The following SNX2 variants were observed in gnomAD, a reference collection of about 807,000 sequenced individuals.
The protein encoded by SNX2 is sorting nexin 2, also known as sorting nexin-2.
SNX2 carries 25 observed loss-of-function variants against 69.9 expected under a neutral mutation model. The observed-to-expected ratio is 0.36, with a 90% CI of 0.26 to 0.50. The LOEUF is 0.50. Among genes scored for constraint, SNX2 ranks in the 20% least tolerant of loss-of-function variants. SNX2 has a pLI of 0.97. For missense variants in SNX2, 551 were observed against 613.3 expected (o/e 0.90, Z 1.07); for synonymous variants, 229 against 200.4 (o/e 1.14, Z -1.20).
chr5:122,827,520 G>C (rs1178042820), intron 13 of SNX2, 55 bp from the exon 14 acceptor site: 1 of 1,601,868 alleles, frequency 6.2e-7, no homozygotes, highest in East Asian at 2.2e-5. Flanking sequence ...GCAATTTTGT[G>C]GTAAAGTTGA....
In SNX2 at chr5:122,817,357, G is replaced by A; in HGVS notation, c.990G>A (p.Leu330=). 1 of 1,613,496 alleles carries A rather than the reference G, an allele frequency of 6.2e-7. No individual in the cohort carries two copies. Among genetic ancestry groups the A allele is most frequent in the Non-Finnish European group, 8.5e-7 (1 of 1,179,632 alleles). The part of the protein sequence containing the change: ...LRKLHVSVEA[L]VCHRKELSAN... ...AACTTCATGTCAGTGTTGAAGCCTT[G>A]GTCTGTCATAGAAAAGGTTTGTTTG... Residue 330 remains leucine, a synonymous_variant, in exon 10 of 15, where the codon TTG becomes TTA. Transcript: ENST00000379516.
intron 7 of SNX2, among the ~76,000 whole-genome samples, chr5:122,811,525 A>G (rs1464325956): frequency 6.6e-6 from 1 of 152,144 alleles, no homozygotes; most frequent in African/African-American, 2.4e-5. Flanking sequence ...ACTTACATGC[A>G]TTTGTCTTTA....
chr5:122,815,656 C>T lies in SNX2; in HGVS notation c.723-240C>T, dbSNP rs1421032459. On this transcript the variant is annotated intron_variant, in intron 7 of 14. Coordinates refer to ENST00000379516, the MANE Select transcript of SNX2 (RefSeq NM_003100.4). Reference sequence around the variant, plus strand: ...ATTTAACCTCTCCCCACTCCCACCCCTTGCCATTTCTCTTTTTACGTAATT... The same window carrying T: ...ATTTAACCTCTCCCCACTCCCACCCTTTGCCATTTCTCTTTTTACGTAATT... 6 of 284,820 alleles carry T rather than the reference C, an allele frequency of 2.1e-5. No individual in the cohort carries two copies. The East Asian group carries it at 3.8e-4, about 18-fold the overall frequency. The allele number at this position is 284,820 out of a possible 1,614,324, so 17.6% of individuals were successfully genotyped here.
chr5:122,793,354 C>A (rs191693743), intron 1 of SNX2, among the ~76,000 whole-genome samples: 10 of 152,070 alleles, frequency 6.6e-5, no homozygotes, highest in Non-Finnish European at 1.2e-4. Context: ...AACATTAGGG[C>A]CAAAAACCAA....
intron 7 of SNX2, among the ~76,000 whole-genome samples, chr5:122,814,860 C>T (rs1753868399): frequency 6.6e-6 from 1 of 152,016 alleles, no homozygotes; most frequent in African/African-American, 2.4e-5. Flanking sequence ...AATGATTCTC[C>T]TTCCTCGGCC....
chr5:122,821,759 G>C (rs766048046), intron 11 of SNX2, among the ~76,000 whole-genome samples: 3 of 151,952 alleles, frequency 2.0e-5, no homozygotes, highest in Non-Finnish European at 2.9e-5. Flanking sequence ...CTGGCCGGTA[G>C]ATGTCTTTTT....
Position 122,802,074 on chromosome 5 carries a change from T to C in SNX2, c.458-7T>C, listed in dbSNP as rs374398043. The C allele has an allele frequency of 6.2e-7, 1 of 1,613,052 alleles. No homozygotes were observed. Among genetic ancestry groups the C allele is most frequent in the African/African-American group, 1.3e-5 (1 of 75,048 alleles). On this transcript the variant is annotated splice_polypyrimidine_tract_variant and splice_region_variant and intron_variant, in intron 4 of 14. Coordinates refer to ENST00000379516, the MANE Select transcript of SNX2 (RefSeq NM_003100.4). ...ATTTTAATAGTAGTGTTTGACTTTT[T>C]TTGCAGGTGATGGCATGAATGCCTA...
chr5:122,823,824 T>A (rs1754085678), intron 11 of SNX2, among the ~76,000 whole-genome samples: 1 of 150,004 alleles, frequency 6.7e-6, no homozygotes, highest in Non-Finnish European at 1.5e-5. Flanking sequence ...GTGTAGGAAG[T>A]GAGAGGGATT....
At chr5:122,803,080 T>A (rs1753553317) in intron 5 of SNX2, among the ~76,000 whole-genome samples, 1 of 152,174 alleles carries the variant, frequency 6.6e-6, no homozygotes. Context: ...AAGGGTGGCA[T>A]CTTATAGAAC....
intron 8 of SNX2, among the ~76,000 whole-genome samples, chr5:122,816,577 GTTTA>G (rs1753904515): frequency 6.6e-6 from 1 of 152,032 alleles, no homozygotes; most frequent in African/African-American, 2.4e-5. Context: ...CTTATAAACG[GTTTA>G]TTTCTGTTAG....
intron 7 of SNX2, among the ~76,000 whole-genome samples, chr5:122,814,369 A>AT (rs1753852969): frequency 6.6e-6 from 1 of 152,138 alleles, no homozygotes; most frequent in South Asian, 2.1e-4. Context: ...GGTAGCAAAA[A>AT]TTTTTTTAAA....
At position 122,833,627 on chromosome 5, in the gene SNX2, T is replaced by C. The variant is rs1341880317; in HGVS notation, c.*3979T>C. The C allele has an allele frequency of 6.6e-6, 1 of 152,194 alleles. No individual in the cohort carries two copies. The highest frequency in any genetic ancestry group is 6.5e-5 in the Admixed American group (1 of 15,282). The allele number at this position is 152,194 out of a possible 1,614,324, so 9.4% of individuals were successfully genotyped here. Reference sequence around the variant, plus strand: ...GGCTATGATAATGGACAGCATAGGTTTAGACAATGCCTATTCAACTATTCA... The same window carrying C: ...GGCTATGATAATGGACAGCATAGGTCTAGACAATGCCTATTCAACTATTCA... On this transcript the variant is annotated 3_prime_UTR_variant, in exon 15 of 15. Transcript: ENST00000379516.
intron 11 of SNX2, among the ~76,000 whole-genome samples, chr5:122,821,526 G>C (rs1349562645): frequency 6.6e-6 from 1 of 151,670 alleles, no homozygotes; most frequent in African/African-American, 2.4e-5. Context: ...CGTGATTTCG[G>C]CTCATTGCAG....
At chr5:122,781,254 G>A (rs1437122080) in intron 1 of SNX2, among the ~76,000 whole-genome samples, 2 of 152,086 alleles carry the variant, frequency 1.3e-5, no homozygotes, top group Non-Finnish European at 2.9e-5. Flanking sequence ...TCATATAGGT[G>A]GAATCATAGA....
In SNX2 at chr5:122,833,096, A is replaced by C. The variant is rs1007947028; in HGVS notation, c.*3448A>C. 2 of 152,220 alleles carry C rather than the reference A, an allele frequency of 1.3e-5. No individual in the cohort carries two copies. Among genetic ancestry groups the C allele is most frequent in the Non-Finnish European group, 2.9e-5 (2 of 68,038 alleles). The allele number at this position is 152,220 out of a possible 1,614,324, so 9.4% of individuals were successfully genotyped here. A position where few individuals can be genotyped will look rare whatever the true frequency, so the allele number is the denominator to read the frequency against. ...TGTTTCAAAGTATTAGAAAAGAGAC[A>C]ATAGAATCACCCACCCTCCCTTCGA... On this transcript the variant is annotated 3_prime_UTR_variant, in exon 15 of 15. Transcript: ENST00000379516.
intron 10 of SNX2, among the ~76,000 whole-genome samples, 200 bp from the exon 11 acceptor site, chr5:122,818,618 G>C (rs186988258): frequency 6.6e-6 from 1 of 152,320 alleles, no homozygotes; most frequent in Non-Finnish European, 1.5e-5. Context: ...TGATTTGTCT[G>C]TGTTTTCAGT....
At chr5:122,812,770 G>A (rs1753809077) in intron 7 of SNX2, among the ~76,000 whole-genome samples, 1 of 152,106 alleles carries the variant, frequency 6.6e-6, no homozygotes, top group African/African-American at 2.4e-5. Context: ...TGCTTAATAG[G>A]TAGTAAGAGC....
intron 1 of SNX2, 176 bp downstream of exon 1, chr5:122,775,387 AG>A: frequency 7.6e-7 from 1 of 1,322,062 alleles, no homozygotes; most frequent in Non-Finnish European, 9.7e-7. Context: ...GGCTGAGCGC[AG>A]GGCCTCCTCA....
intron 9 of SNX2, 119 bp from the exon 10 acceptor site, chr5:122,817,161 C>T (rs1753918186): frequency 1.7e-6 from 2 of 1,157,152 alleles, no homozygotes; most frequent in East Asian, 2.4e-5. Flanking sequence ...ATCAGTTGGC[C>T]ACCATGGTTA....
Sources: allele counts gnomAD v4.1 joint callset (sites outside exome capture counted in the v4.1 genomes callset), GRCh38; gene constraint gnomAD v4.1.1; transcripts MANE v1.5; gene names NCBI Gene and HGNC (gene_info 2026-07-23, HGNC 2026-07-21).